Variants in NCKAP1 observed in about 807,000 individuals in gnomAD.
NCKAP1 encodes NCK associated protein 1.
A neutral mutation model predicts 151.2 loss-of-function variants in NCKAP1; 21 were observed. The observed-to-expected ratio is 0.14, with a 90% CI of 0.10 to 0.20. NCKAP1 has a LOEUF of 0.20. Among genes scored for constraint, NCKAP1 ranks in the 10% least tolerant of loss-of-function variants. The probability of loss-of-function intolerance (pLI) is 1.00; values close to 1 mark genes in which losing one functional copy is unlikely to be tolerated. For synonymous variants in NCKAP1, 484 were observed against 451.8 expected, an observed-to-expected ratio of 1.07 and a Z score of -0.90; for missense variants, 933 against 1,352.1, an observed-to-expected ratio of 0.69 and a Z score of 4.86.
In NCKAP1 at chr2:182,935,310, G is replaced by T. The variant is rs770201823; in HGVS notation, c.2761C>A (p.Gln921Lys). 1.3e-6 allele frequency: 2 copies of T among 1,590,050 alleles called. No individual in the cohort carries two copies. The highest frequency in any genetic ancestry group is 2.3e-5 in the South Asian group (2 of 86,274). Residue 921 changes from glutamine (Q) to lysine (K), a missense_variant, in exon 25 of 31, where the codon CAA becomes AAA. Coordinates refer to ENST00000361354, the MANE Select transcript of NCKAP1 (RefSeq NM_013436.5). ...TTTCTTACATCTCTAAGTGCTTCTT[G>T]TGCCAATGATCGGAAGGATAAAATT... Reference protein sequence around the residue: ...GVILSFRSLAQEALRDVLSYH... With the variant: ...GVILSFRSLAKEALRDVLSYH...
chr2:182,978,872 G>C lies in NCKAP1; in HGVS notation c.1385C>G (p.Ser462Cys), dbSNP rs949821269. ...CPEDESIIMSSFVNTMTSLSV... is the reference protein window; with the variant it reads ...CPEDESIIMSCFVNTMTSLSV... ...TAGGGAAGTCATAGTGTTAACAAAA[G>C]AGGACATGATGATTGATTCATCTTC... The change falls in exon 14 of 31, where the codon TCT (serine) becomes TGT (cysteine). Residue 462 changes from serine (S) to cysteine (C), a missense_variant. Transcript: ENST00000361354. 1.9e-6 allele frequency: 3 copies of C among 1,608,806 alleles called. No homozygotes were observed. In the African/African-American group the frequency reaches 4.0e-5, roughly 22 times the overall value.
In NCKAP1 at chr2:182,932,676, A is replaced by T. The variant is rs566542924; in HGVS notation, c.2860-1888T>A. ...TTTGTTTTTTGTTGTTTTTTTTTTT[A>T]AAAGTTAAGTTCTATTGAAAGTTTG... On this transcript the variant is annotated intron_variant, in intron 26 of 30. Coordinates refer to ENST00000361354, the MANE Select transcript of NCKAP1 (RefSeq NM_013436.5). Among the ~76,000 whole-genome samples the T allele has an allele frequency of 2.6e-3, 398 of 151,312 alleles. 3 individuals are homozygous for T. Among genetic ancestry groups the T allele is most frequent in the African/African-American group, 5.9e-3 (242 of 41,306 alleles).
intron 8 of NCKAP1, among the ~76,000 whole-genome samples, chr2:182,989,974 A>C (rs1213049502): frequency 6.6e-6 from 1 of 151,386 alleles, no homozygotes; most frequent in African/African-American, 2.4e-5. Flanking sequence ...TGGGTGACAG[A>C]GCAAGACTCT....
chr2:182,988,135 G>C (rs894547435), intron 9 of NCKAP1, among the ~76,000 whole-genome samples: 26 of 152,284 alleles, frequency 1.7e-4, no homozygotes, highest in Non-Finnish European at 3.1e-4. Context: ...GAGGTTAGAG[G>C]TGATGCTCAG....
chr2:183,011,934 CTA>C (rs1416095118), intron 2 of NCKAP1, among the ~76,000 whole-genome samples: 1 of 152,170 alleles, frequency 6.6e-6, no homozygotes, highest in Non-Finnish European at 1.5e-5. Context: ...CTGAGAAAAA[CTA>C]TGAATAATGT....
chr2:182,920,161 A>C lies in NCKAP1; in HGVS notation c.*5541T>G, dbSNP rs1401690158. ...TCATTTTTGTATTTTTTTTGTAGAG[A>C]TGGGGTTTAGACATATTGCCCAGGC... On this transcript the variant is annotated 3_prime_UTR_variant, in exon 31 of 31. Coordinates refer to ENST00000361354, the MANE Select transcript of NCKAP1 (RefSeq NM_013436.5). 1 of 151,904 alleles carries C rather than the reference A, an allele frequency of 6.6e-6. No individual in the cohort carries two copies. The highest frequency in any genetic ancestry group is 1.5e-5 in the Non-Finnish European group (1 of 68,026). The allele number at this position is 151,904 out of a possible 1,614,324, so 9.4% of individuals were successfully genotyped here.
At position 182,967,081 on chromosome 2, in the gene NCKAP1, A is replaced by T. The variant is rs937697798; in HGVS notation, c.1628+135T>A. 6 of 758,270 alleles carry T rather than the reference A, an allele frequency of 7.9e-6. No homozygotes were observed. The African/African-American group carries it at 9.2e-5, about 12-fold the overall frequency. The allele number at this position is 758,270 out of a possible 1,614,324, so 47.0% of individuals were successfully genotyped here. Reference sequence around the variant, plus strand: ...CTTTTTGTTGGCACATTTTAATAAAAGTCCACTATTCCCTTTATTCTTAAG... The same window carrying T: ...CTTTTTGTTGGCACATTTTAATAAATGTCCACTATTCCCTTTATTCTTAAG... On this transcript the variant is annotated intron_variant, in intron 16 of 30. Coordinates refer to ENST00000361354, the MANE Select transcript of NCKAP1 (RefSeq NM_013436.5).
chr2:183,016,743 A>G (rs76552390), intron 2 of NCKAP1, among the ~76,000 whole-genome samples: 3,207 of 152,300 alleles, frequency 0.021, 114 homozygotes, highest in African/African-American at 0.073. Flanking sequence ...GGGGTACCAC[A>G]GAGAAAGTGA....
At chr2:182,938,605 A>T (rs940648417) in intron 24 of NCKAP1, among the ~76,000 whole-genome samples, 1 of 152,148 alleles carries the variant, frequency 6.6e-6, no homozygotes, top group African/African-American at 2.4e-5. Flanking sequence ...AAAGTAAGAC[A>T]GGTGGTAAGA....
At chr2:183,003,576 T>C (rs1000538867) in intron 2 of NCKAP1, among the ~76,000 whole-genome samples, 1 of 151,908 alleles carries the variant, frequency 6.6e-6, no homozygotes, top group African/African-American at 2.4e-5. Flanking sequence ...AAGGAAAATC[T>C]GAAAGTGTTA....
chr2:182,972,571 C>A (rs887803453), intron 15 of NCKAP1, among the ~76,000 whole-genome samples: 2 of 152,068 alleles, frequency 1.3e-5, no homozygotes, highest in East Asian at 3.9e-4. Context: ...GGTATATATC[C>A]AAAAGAGAGG....
At position 182,994,884 on chromosome 2, in the gene NCKAP1, G is replaced by A; in HGVS notation, c.745C>T (p.Pro249Ser). The change falls in exon 8 of 31, where the codon CCT becomes TCT. Residue 249 changes from proline to serine, a missense_variant. This residue lies in a region of NCKAP1 where 607 missense variants were observed against 795.0 expected (regional missense o/e 0.76). Transcript: ENST00000361354. Reference protein sequence around the residue: ...MLNPAQSDTMPCEYLSLDAME... With the variant: ...MLNPAQSDTMSCEYLSLDAME... Reference sequence around the variant, plus strand: ...GCATCCAAAGAGAGGTATTCACAAGGCATCTTAAAAAGAGAATATATACAT... The same window carrying A: ...GCATCCAAAGAGAGGTATTCACAAGACATCTTAAAAAGAGAATATATACAT... The A allele has an allele frequency of 1.2e-6, 2 of 1,602,808 alleles. No homozygotes were observed. The highest frequency in any genetic ancestry group is 1.7e-6 in the Non-Finnish European group (2 of 1,170,532).
At position 183,021,173 on chromosome 2, in the gene NCKAP1, A is replaced by G. The variant is rs1200170354; in HGVS notation, c.219+2633T>C. 2.6e-5 allele frequency among the ~76,000 whole-genome samples: 4 copies of G among 152,262 alleles called. No individual in the cohort carries two copies. In the East Asian group the frequency reaches 7.7e-4, roughly 29 times the overall value. On this transcript the variant is annotated intron_variant, in intron 2 of 30. Transcript: ENST00000361354. ...AAGAGAAATGAAAACATATCCATACAAAAACTTTCACATAAATGTTTATAG... is the reference window on the plus strand; with the variant it reads ...AAGAGAAATGAAAACATATCCATACGAAAACTTTCACATAAATGTTTATAG...
intron 20 of NCKAP1, among the ~76,000 whole-genome samples, chr2:182,955,837 C>T (rs1411380520): frequency 2.0e-5 from 3 of 152,046 alleles, no homozygotes; most frequent in Admixed American, 2.0e-4. Context: ...TGACTACAAC[C>T]TAATAAACTG....
Position 182,911,442 on chromosome 2 carries a change from T to C in NCKAP1, c.*14260A>G, listed in dbSNP as rs1696393268. On this transcript the variant is annotated 3_prime_UTR_variant, in exon 31 of 31. Coordinates refer to ENST00000361354, the MANE Select transcript of NCKAP1 (RefSeq NM_013436.5). ...TATGAATAAGACCAAAAAATGGCCA[T>C]CAGTTCATGACTTTATTAACTTATA... The C allele has an allele frequency of 6.6e-6, 1 of 152,166 alleles. No individual in the cohort carries two copies. The highest frequency in any genetic ancestry group is 6.6e-5 in the Admixed American group (1 of 15,264). 9.4% of individuals were successfully genotyped at this position (152,166 alleles called of 1,614,324 possible).
chr2:182,962,154 A>G lies in NCKAP1; in HGVS notation c.1881+5T>C, dbSNP rs1205120674. On this transcript the variant is annotated splice_donor_5th_base_variant and intron_variant, in intron 18 of 30. Coordinates refer to ENST00000361354, the MANE Select transcript of NCKAP1 (RefSeq NM_013436.5). The stretch of plus-strand genomic sequence containing the variant: ...CCTATCTGTTGGAAACACTTAAATC[A>G]TTACCTGGTCACTAAGGGTACACTG... 1 of 1,587,684 alleles carries G rather than the reference A, an allele frequency of 6.3e-7. No homozygotes were observed. Among genetic ancestry groups the G allele is most frequent in the Non-Finnish European group, 8.6e-7 (1 of 1,168,034 alleles).
Position 182,942,201 on chromosome 2 carries a change from C to G in NCKAP1, c.2602-38G>C, listed in dbSNP as rs781744102. ...GAAAGATCCTAGGTCAGGCACAGAC[C>G]TCTTTGTGTTAATGAGATAAGAGCA... is the stretch of plus-strand genomic sequence containing the variant. On this transcript the variant is annotated intron_variant, in intron 23 of 30. Coordinates refer to ENST00000361354, the MANE Select transcript of NCKAP1 (RefSeq NM_013436.5). The G allele has an allele frequency of 5.3e-6, 8 of 1,507,328 alleles. No homozygotes were observed. The East Asian group carries it at 1.6e-4, about 30-fold the overall frequency. The allele number at this position is 1,507,328 out of a possible 1,614,324, so 93.4% of individuals were successfully genotyped here. A position where few individuals can be genotyped will look rare whatever the true frequency, so the allele number is the denominator to read the frequency against.
Position 182,956,567 on chromosome 2 carries a change from G to C in NCKAP1, c.2048C>G (p.Ser683Cys). The change falls in exon 20 of 31, where the codon TCT (serine) becomes TGT (cysteine). Residue 683 changes from serine to cysteine, a missense_variant. Ser to Cys is a moderately radical substitution (Grantham distance 112). Coordinates refer to ENST00000361354, the MANE Select transcript of NCKAP1 (RefSeq NM_013436.5). ...ATAATTTATAGAGAAGCATAACTCA[G>C]AAAGTGCAGTGTGCAATTTATCAAG... is the stretch of plus-strand genomic sequence containing the variant. ...TNLDKLHTAL[S>C]ELCFSINYVP... 6.2e-7 allele frequency: 1 copy of C among 1,606,846 alleles called. No homozygotes were observed. The highest frequency in any genetic ancestry group is 8.5e-7 in the Non-Finnish European group (1 of 1,176,944).
intron 6 of NCKAP1, among the ~76,000 whole-genome samples, chr2:182,996,390 C>T (rs1292118465): frequency 6.6e-6 from 1 of 152,122 alleles, no homozygotes; most frequent in Non-Finnish European, 1.5e-5. Context: ...TTCATCTCAA[C>T]TGTTTCTTTC....
Sources: gnomAD v4.1 joint callset for allele counts (sites outside exome capture counted in the v4.1 genomes callset) on GRCh38, gnomAD v4.1.1 for gene constraint, gnomAD v4.1.1 regional missense constraint, MANE v1.5 for transcripts, NCBI Gene and HGNC (gene_info 2026-07-23, HGNC 2026-07-21) for gene names.